The following MTHFD1L variants were observed in gnomAD, a reference collection of about 807,000 sequenced individuals.
MTHFD1L encodes the protein methylenetetrahydrofolate dehydrogenase (NADP+ dependent) 1 like, also known as monofunctional C1-tetrahydrofolate synthase, mitochondrial.
In MTHFD1L, 81 loss-of-function variants were observed where a neutral mutation model predicts 119.5. That is an observed-to-expected ratio of 0.68 (90% CI 0.57 to 0.82). MTHFD1L has a LOEUF of 0.82. Among genes scored for constraint, MTHFD1L ranks in the 40% least tolerant of loss-of-function variants. The pLI is 0.00. For missense variants in MTHFD1L, 1,125 were observed against 1,253.4 expected (o/e 0.90, Z 1.55); for synonymous variants, 430 against 475.2 (o/e 0.90, Z 1.24).
chr6:150,974,372 C>G (rs1385428114), intron 20 of MTHFD1L, among the ~76,000 whole-genome samples: 1 of 152,078 alleles, frequency 6.6e-6, no homozygotes, highest in Non-Finnish European at 1.5e-5. Flanking sequence ...GTTACATTTT[C>G]TTTTTTCTTT....
At chr6:151,029,667 A>C (rs948662582) in intron 24 of MTHFD1L, among the ~76,000 whole-genome samples, 26 of 151,952 alleles carry the variant, frequency 1.7e-4, no homozygotes, top group African/African-American at 5.8e-4. Context: ...GTGGTGGCAC[A>C]TGCCTGTAAT....
intron 7 of MTHFD1L, among the ~76,000 whole-genome samples, chr6:150,904,864 A>T (rs1335101669): frequency 6.6e-6 from 1 of 152,102 alleles, no homozygotes; most frequent in African/African-American, 2.4e-5. Context: ...GAATGGTTGG[A>T]CAAGAGACTA....
chr6:150,934,283 C>G (rs1791674398), intron 11 of MTHFD1L, among the ~76,000 whole-genome samples: 1 of 152,194 alleles, frequency 6.6e-6, no homozygotes, highest in Non-Finnish European at 1.5e-5. Context: ...CCCCAATCCA[C>G]TCTCAGTTTT....
chr6:150,910,768 C>T (rs1786753552), intron 8 of MTHFD1L, among the ~76,000 whole-genome samples: 1 of 152,068 alleles, frequency 6.6e-6, no homozygotes, highest in South Asian at 2.1e-4. Context: ...TCCTGCATTC[C>T]TCCCTCCACT....
intron 21 of MTHFD1L, 111 bp from the exon 22 acceptor site, chr6:151,013,668 C>A: frequency 9.9e-7 from 1 of 1,008,532 alleles, no homozygotes; most frequent in Non-Finnish European, 1.5e-6. Context: ...AAGCACAAAA[C>A]ATAGAGGTAC....
intron 11 of MTHFD1L, among the ~76,000 whole-genome samples, chr6:150,932,960 T>C (rs371589714): frequency 2.2e-4 from 34 of 152,290 alleles, no homozygotes; most frequent in African/African-American, 7.2e-4. Context: ...TCCCCGTTGA[T>C]GATTTGGAAT....
chr6:150,999,382 G>A (rs1421061788), intron 20 of MTHFD1L, among the ~76,000 whole-genome samples: 2 of 152,164 alleles, frequency 1.3e-5, no homozygotes, highest in Admixed American at 6.5e-5. Flanking sequence ...GTTCTCAGGA[G>A]TTGCAAGAAT....
intron 7 of MTHFD1L, among the ~76,000 whole-genome samples, chr6:150,894,464 G>T (rs553443191): frequency 4.5e-4 from 68 of 152,188 alleles, no homozygotes; most frequent in Non-Finnish European, 8.7e-4. Context: ...GAGAAAGGAG[G>T]GACTAACCAG....
chr6:150,993,065 TA>T (rs1435947470), intron 20 of MTHFD1L, among the ~76,000 whole-genome samples: 1 of 152,202 alleles, frequency 6.6e-6, no homozygotes, highest in Non-Finnish European at 1.5e-5. Context: ...GCAATCTGAG[TA>T]CCTTCTTTTG....
intron 1 of MTHFD1L, among the ~76,000 whole-genome samples, chr6:150,871,505 T>TA (rs1779490506): frequency 7.1e-6 from 1 of 141,816 alleles, no homozygotes; most frequent in Admixed American, 7.0e-5. Context: ...CTTTTTTTTT[T>TA]TTTTTTTTTT....
At chr6:151,060,160 A>T (rs1790453659) in intron 26 of MTHFD1L, among the ~76,000 whole-genome samples, 1 of 152,196 alleles carries the variant, frequency 6.6e-6, no homozygotes, top group Admixed American at 6.5e-5. Context: ...CAGAAAAGGG[A>T]GCCCTGAAGA....
At chr6:151,100,692 G>T (rs1283167490) in intron 27 of MTHFD1L, among the ~76,000 whole-genome samples, 3 of 150,896 alleles carry the variant, frequency 2.0e-5, no homozygotes, top group African/African-American at 7.3e-5. Context: ...GAGATTACAG[G>T]ATTCAAGAAT....
At position 150,882,809 on chromosome 6, in the gene MTHFD1L, C is replaced by T; in HGVS notation, c.465C>T (p.Gly155=). The stretch of plus-strand genomic sequence containing the variant: ...TCAATGAAGATACCAGAGTACATGG[C>T]CTTGCCCTTCAGATCTCTGAGAACT... ...LKINEDTRVH[G]LALQISENLF... The change falls in exon 5 of 28, where the codon GGC becomes GGT. Residue 155 remains glycine, a synonymous_variant. Transcript: ENST00000367321. The T allele has an allele frequency of 1.3e-6, 2 of 1,575,072 alleles. No individual in the cohort carries two copies. Among genetic ancestry groups the T allele is most frequent in the Non-Finnish European group, 1.7e-6 (2 of 1,166,324 alleles).
chr6:151,086,998 C>T (rs1239518856), intron 26 of MTHFD1L, among the ~76,000 whole-genome samples: 1 of 152,040 alleles, frequency 6.6e-6, no homozygotes, highest in Non-Finnish European at 1.5e-5. Flanking sequence ...CCCTATAATC[C>T]CAGCACTTTG....
chr6:150,891,600 TA>T (rs1056453396), intron 7 of MTHFD1L, among the ~76,000 whole-genome samples: 4 of 149,914 alleles, frequency 2.7e-5, no homozygotes, highest in African/African-American at 9.7e-5. Context: ...GCAAATGAAG[TA>T]AAAATATAAA....
At chr6:150,943,640 A>G (rs1426967992) in intron 13 of MTHFD1L, among the ~76,000 whole-genome samples, 1 of 152,200 alleles carries the variant, frequency 6.6e-6, no homozygotes, top group Non-Finnish European at 1.5e-5. Context: ...GTAGTAGCGT[A>G]TATATCCAGC....
rs907165592 is a variant in MTHFD1L at position 150,993,477 on chromosome 6, A to G, written c.2126-16342A>G. 3.3e-5 allele frequency among the ~76,000 whole-genome samples: 5 copies of G among 151,838 alleles called. No homozygotes were observed. In the East Asian group the frequency reaches 7.8e-4, roughly 24 times the overall value. On this transcript the variant is annotated intron_variant, in intron 20 of 27. Transcript: ENST00000367321. ...CAGGCACACACCACCACGTCCAGCTAATTTTTGTATTTTTATTAGAGACGA... is the reference window on the plus strand; with the variant it reads ...CAGGCACACACCACCACGTCCAGCTGATTTTTGTATTTTTATTAGAGACGA...
intron 26 of MTHFD1L, among the ~76,000 whole-genome samples, chr6:151,054,220 C>G (rs1789529444): frequency 6.6e-6 from 1 of 151,450 alleles, no homozygotes; most frequent in African/African-American, 2.4e-5. Context: ...GTATTTCAGA[C>G]AGAAAAAAAA....
At chr6:150,964,830 C>T (rs1336517452) in intron 18 of MTHFD1L, 139 bp from the exon 19 acceptor site, 2 of 657,622 alleles carry the variant, frequency 3.0e-6, no homozygotes, top group Non-Finnish European at 5.5e-6. Flanking sequence ...TGGACAGAGA[C>T]AGCAGCACTG....
Sources: allele counts gnomAD v4.1 joint callset (sites outside exome capture counted in the v4.1 genomes callset), GRCh38; gene constraint gnomAD v4.1.1; transcripts MANE v1.5; gene names NCBI Gene and HGNC (gene_info 2026-07-23, HGNC 2026-07-21).